The following TTC1 variants were observed in gnomAD, a reference collection of about 807,000 sequenced individuals.
The protein encoded by TTC1 is tetratricopeptide repeat protein 1.
TTC1 carries 31 observed loss-of-function variants against 37.6 expected under a neutral mutation model. The ratio of observed to expected loss-of-function variants is 0.82; its 90% CI spans 0.62 to 1.11. The LOEUF is 1.11. TTC1 is among the 50% of genes most tolerant of loss of function. TTC1 has a pLI of 0.00. For missense variants in TTC1, 351 were observed against 339.0 expected, an observed-to-expected ratio of 1.04 and a Z score of -0.28; for synonymous variants, 127 against 122.4, an observed-to-expected ratio of 1.04 and a Z score of -0.25.
chr5:160,049,068 T>C (rs750075426), intron 5 of TTC1, among the ~76,000 whole-genome samples: 5 of 152,250 alleles, frequency 3.3e-5, no homozygotes, highest in Admixed American at 6.5e-5. Flanking sequence ...GACCAGGATA[T>C]GGCAAACTAC....
At position 160,035,144 on chromosome 5, in the gene TTC1, GAA is replaced by G; in HGVS notation, c.336_337del (p.Glu114ArgfsTer4). The G allele has an allele frequency of 6.3e-7, 1 of 1,597,070 alleles. No homozygotes were observed. Among genetic ancestry groups the G allele is most frequent in the Non-Finnish European group, 8.5e-7 (1 of 1,174,286 alleles). ...TAATTCTCTGATGTCTTTCAGAAAA[GAA>G]GAGAAGAGAGCACTAGACTAAAGGA... is the stretch of plus-strand genomic sequence containing the variant. On this transcript the variant is annotated frameshift_variant, in exon 3 of 8. Coordinates refer to ENST00000231238, the MANE Select transcript of TTC1 (RefSeq NM_003314.3). LOFTEE classifies it high-confidence loss of function.
At chr5:160,050,473 T>A (rs1044278629) in intron 6 of TTC1, among the ~76,000 whole-genome samples, 19 of 152,012 alleles carry the variant, frequency 1.2e-4, no homozygotes, top group Non-Finnish European at 1.5e-4. Context: ...CAAATGAATT[T>A]AAAAAAAAGT....
At chr5:160,036,551 C>G in intron 3 of TTC1, 140 bp from the exon 4 acceptor site, 2 of 613,132 alleles carry the variant, frequency 3.3e-6, no homozygotes, top group South Asian at 4.0e-5. Context: ...TTTACTGCGC[C>G]AGACTTAATA....
At chr5:160,064,697 C>G (rs995270319) in intron 7 of TTC1, among the ~76,000 whole-genome samples, 1 of 152,190 alleles carries the variant, frequency 6.6e-6, no homozygotes, top group Admixed American at 6.5e-5. Context: ...GGACTCCACT[C>G]TCATCTATGC....
chr5:160,052,568 AAAAAAACT>A (rs1757431991), intron 7 of TTC1, among the ~76,000 whole-genome samples: 1 of 151,554 alleles, frequency 6.6e-6, no homozygotes, highest in African/African-American at 2.4e-5. Context: ...AAAAAAAAAA[AAAAAAACT>A]GTTTGCATTT....
chr5:160,033,314 G>A (rs936686470), intron 2 of TTC1, among the ~76,000 whole-genome samples: 1 of 151,980 alleles, frequency 6.6e-6, no homozygotes, highest in Non-Finnish European at 1.5e-5. Context: ...ATTTGTACCT[G>A]CTGTGTGTCT....
chr5:160,046,023 G>A (rs976195783), intron 5 of TTC1, among the ~76,000 whole-genome samples: 1 of 152,196 alleles, frequency 6.6e-6, no homozygotes, highest in Non-Finnish European at 1.5e-5. Flanking sequence ...TTACAGGCAT[G>A]AGCCACTGCC....
chr5:160,022,642 T>A (rs1459822646), intron 2 of TTC1, among the ~76,000 whole-genome samples: 3 of 152,138 alleles, frequency 2.0e-5, no homozygotes, highest in Non-Finnish European at 4.4e-5. Context: ...AATTACAAGG[T>A]AAGATTATAG....
At chr5:160,048,126 CTTTTTTTTTTTTTTTTTTTTT>C (rs56201199) in intron 5 of TTC1, among the ~76,000 whole-genome samples, 2 of 35,538 alleles carry the variant, frequency 5.6e-5, no homozygotes, top group Admixed American at 5.1e-4. Flanking sequence ...CAAGACATTG[CTTTTTTTTTTTTTTTTTTTTT>C]TTTTTTTTTT....
intron 2 of TTC1, among the ~76,000 whole-genome samples, chr5:160,014,114 A>G (rs148221739): frequency 0.019 from 2,913 of 152,198 alleles, 49 homozygotes; most frequent in Non-Finnish European, 0.031. Flanking sequence ...GCACTCTGGG[A>G]GGCTGAGGCA....
chr5:160,035,225 A>G, intron 3 of TTC1, 25 bp downstream of exon 3: 1 of 1,575,232 alleles, frequency 6.3e-7, no homozygotes, highest in South Asian at 1.2e-5. Context: ...AGCACTGATA[A>G]TCTGGTCATC....
intron 7 of TTC1, among the ~76,000 whole-genome samples, chr5:160,053,697 G>A (rs887095408): frequency 6.6e-6 from 1 of 152,164 alleles, no homozygotes; most frequent in Admixed American, 6.5e-5. Flanking sequence ...TTCTATTTCT[G>A]TGAAGAATGT....
At chr5:160,019,580 CTTTTTTT>C (rs201420281) in intron 2 of TTC1, among the ~76,000 whole-genome samples, 3 of 108,706 alleles carry the variant, frequency 2.8e-5, no homozygotes, top group Non-Finnish European at 3.7e-5. Flanking sequence ...TTCTTTCATT[CTTTTTTT>C]TTTTTTTTTT....
chr5:160,028,513 G>A (rs1315476426), intron 2 of TTC1, among the ~76,000 whole-genome samples: 3 of 151,804 alleles, frequency 2.0e-5, no homozygotes, highest in South Asian at 4.2e-4. Flanking sequence ...AAGCAAGGTC[G>A]CACTCTGTCA....
In TTC1 at chr5:160,022,127, T is replaced by A. The variant is rs529783988; in HGVS notation, c.330+11269T>A. 2.6e-5 allele frequency among the ~76,000 whole-genome samples: 4 copies of A among 152,338 alleles called. No individual in the cohort carries two copies. In the East Asian group the frequency reaches 7.7e-4, roughly 29 times the overall value. On this transcript the variant is annotated intron_variant, in intron 2 of 7. Transcript: ENST00000231238. ...TGTTGAGCACATGCTTACCATAGGA[T>A]TATTTAAATATGAGATTATTTTTTA...
chr5:160,026,848 T>G (rs77565130), intron 2 of TTC1, among the ~76,000 whole-genome samples: 12,376 of 152,242 alleles, frequency 0.081, 696 homozygotes, highest in Admixed American at 0.18. Context: ...GTCTCATGTG[T>G]TCTTTATTCC....
intron 7 of TTC1, among the ~76,000 whole-genome samples, chr5:160,051,514 A>G (rs1184100265): frequency 6.6e-6 from 1 of 152,244 alleles, no homozygotes; most frequent in African/African-American, 2.4e-5. Flanking sequence ...ATTACATAAA[A>G]ACAGTTTAGT....
At chr5:160,058,238 C>T (rs555409073) in intron 7 of TTC1, among the ~76,000 whole-genome samples, 56 of 152,244 alleles carry the variant, frequency 3.7e-4, no homozygotes, top group African/African-American at 1.2e-3. Context: ...CTTCAAGCGC[C>T]ACTCGAATTC....
chr5:160,043,110 A>G, intron 4 of TTC1, 23 bp from the exon 5 acceptor site: 2 of 1,612,784 alleles, frequency 1.2e-6, no homozygotes, highest in Non-Finnish European at 1.7e-6. Flanking sequence ...GGCAACACAT[A>G]TTAATACTGT....
Sources: gnomAD v4.1 joint callset for allele counts (sites outside exome capture counted in the v4.1 genomes callset) on GRCh38, gnomAD v4.1.1 for gene constraint, MANE v1.5 for transcripts, NCBI Gene and HGNC (gene_info 2026-07-23, HGNC 2026-07-21) for gene names.